Variants in SLC25A12 observed in about 807,000 individuals in gnomAD.
SLC25A12 encodes solute carrier family 25 member 12, also known as electrogenic aspartate/glutamate antiporter SLC25A12, mitochondrial.
SLC25A12 carries 32 observed loss-of-function variants against 83.3 expected under a neutral mutation model. The ratio of observed to expected loss-of-function variants is 0.38; its 90% CI spans 0.29 to 0.52. The LOEUF (loss-of-function observed/expected upper bound fraction) is 0.52. Ranked by LOEUF, SLC25A12 falls within the 20% of genes least tolerant of loss-of-function variation. The probability of loss-of-function intolerance (pLI) is 0.84; values close to 1 mark genes in which losing one functional copy is unlikely to be tolerated. For synonymous variants in SLC25A12, 267 were observed against 291.1 expected (o/e 0.92, Z 0.84); for missense variants, 611 against 835.6 (o/e 0.73, Z 3.31).
At chr2:171,841,338 C>T (rs956507183) in intron 5 of SLC25A12, among the ~76,000 whole-genome samples, 1 of 151,948 alleles carries the variant, frequency 6.6e-6, no homozygotes, top group Non-Finnish European at 1.5e-5. Flanking sequence ...CCTTGGCCCC[C>T]CAAAGTGCTG....
chr2:171,835,891 T>C (rs542585608), intron 6 of SLC25A12, among the ~76,000 whole-genome samples: 1 of 152,080 alleles, frequency 6.6e-6, no homozygotes, highest in East Asian at 1.9e-4. Context: ...CAAATTTTCA[T>C]ATACTCCTCT....
At chr2:171,881,429 G>A (rs1160258500) in intron 2 of SLC25A12, among the ~76,000 whole-genome samples, 1 of 152,128 alleles carries the variant, frequency 6.6e-6, no homozygotes, top group Non-Finnish European at 1.5e-5. Context: ...TAGGATTACA[G>A]GCCATCGCGC....
At chr2:171,826,521 A>G (rs1239361086) in intron 9 of SLC25A12, among the ~76,000 whole-genome samples, 1 of 152,122 alleles carries the variant, frequency 6.6e-6, no homozygotes, top group Non-Finnish European at 1.5e-5. Flanking sequence ...AGGCAGGAGA[A>G]TCTCTTGAAC....
chr2:171,864,035 C>A (rs1685227657), intron 3 of SLC25A12, among the ~76,000 whole-genome samples: 2 of 152,202 alleles, frequency 1.3e-5, no homozygotes, highest in South Asian at 2.1e-4. Flanking sequence ...AGTACTAATC[C>A]TGGACTCAAA....
At chr2:171,893,093 T>A in intron 2 of SLC25A12, 112 bp downstream of exon 2, 1 of 844,492 alleles carries the variant, frequency 1.2e-6, no homozygotes. Context: ...CGGTCATGTT[T>A]GAAAGAATAC....
chr2:171,878,397 AC>A (rs1558942677), intron 2 of SLC25A12, among the ~76,000 whole-genome samples: 1 of 152,046 alleles, frequency 6.6e-6, no homozygotes, highest in African/African-American at 2.4e-5. Context: ...TGAAATAGTT[AC>A]TGTAAAATGC....
intron 2 of SLC25A12, among the ~76,000 whole-genome samples, chr2:171,876,543 TGG>T (rs773967179): frequency 3.4e-4 from 10 of 29,526 alleles, no homozygotes; most frequent in South Asian, 1.4e-3. Context: ...TTTTTTTTTT[TGG>T]GGGGGGGGGG....
chr2:171,854,138 G>A (rs996095314), intron 4 of SLC25A12, among the ~76,000 whole-genome samples: 1 of 152,242 alleles, frequency 6.6e-6, no homozygotes, highest in Non-Finnish European at 1.5e-5. Context: ...TGCTGAATGA[G>A]ATGATGGAGG....
chr2:171,848,403 A>T (rs910647693), intron 4 of SLC25A12: 4 of 391,120 alleles, frequency 1.0e-5, no homozygotes, highest in African/African-American at 8.4e-5. Context: ...GAGACCAAAC[A>T]TTCTTATTGT....
intron 2 of SLC25A12, 59 bp downstream of exon 2, chr2:171,893,146 T>C: frequency 7.3e-7 from 1 of 1,363,472 alleles, no homozygotes; most frequent in African/African-American, 1.4e-5. Context: ...TGAATAGGAC[T>C]AAGGACATGT....
chr2:171,829,024 G>A (rs973758279), intron 8 of SLC25A12, among the ~76,000 whole-genome samples: 4 of 152,216 alleles, frequency 2.6e-5, no homozygotes, highest in African/African-American at 9.6e-5. Flanking sequence ...CACCAAATAA[G>A]CTAGGTTCTC....
At position 171,837,872 on chromosome 2, in the gene SLC25A12, GCTATCA is replaced by G. The variant is rs1684590281; in HGVS notation, c.466-611_466-606del. On this transcript the variant is annotated intron_variant, in intron 5 of 17. Coordinates refer to ENST00000422440, the MANE Select transcript of SLC25A12 (RefSeq NM_003705.5). ...TAACAAACTGCAAAAGTAGTGTTCA[GCTATCA>G]CTGGCTCTGGGCACCGTTACTCATA... Among the ~76,000 whole-genome samples, 3 of 152,316 alleles carry G rather than the reference GCTATCA, an allele frequency of 2.0e-5. No individual in the cohort carries two copies. The South Asian group carries it at 6.2e-4, about 32-fold the overall frequency.
Position 171,785,402 on chromosome 2 carries a change from C to T in SLC25A12, c.1909G>A (p.Gly637Ser), listed in dbSNP as rs772668725. The change falls in exon 18 of 18, where the codon GGT becomes AGT. Residue 637 changes from glycine (G) to serine (S), a missense_variant. By Grantham distance (56) the Gly-to-Ser change is moderately conservative. Around this residue, in one of 3 missense-constraint regions of SLC25A12, gnomAD observed 540 missense variants for 777.5 expected, o/e 0.69. Transcript: ENST00000422440. Reference protein sequence around the residue: ...DLPPANPDHIGGYRLATATFA... With the variant: ...DLPPANPDHISGYRLATATFA... Reference sequence around the variant, plus strand: ...GTGGCTGTGGCGAGTCTGTATCCACCGATGTGATCAGGGTTGGCAGGAGGA... The same window carrying T: ...GTGGCTGTGGCGAGTCTGTATCCACTGATGTGATCAGGGTTGGCAGGAGGA... The T allele has an allele frequency of 1.9e-5, 31 of 1,614,020 alleles. No homozygotes were observed. The highest frequency in any genetic ancestry group is 2.6e-5 in the Non-Finnish European group (31 of 1,180,018).
intron 2 of SLC25A12, among the ~76,000 whole-genome samples, chr2:171,881,240 T>C (rs1685688224): frequency 6.6e-6 from 1 of 152,000 alleles, no homozygotes; most frequent in Admixed American, 6.6e-5. Flanking sequence ...GCAACCACCA[T>C]CTCCCAGGTT....
intron 13 of SLC25A12, among the ~76,000 whole-genome samples, chr2:171,801,006 T>C (rs1368420181): frequency 1.3e-5 from 2 of 152,172 alleles, no homozygotes; most frequent in African/African-American, 4.8e-5. Flanking sequence ...TTCATTATCT[T>C]AGGTGGTGAT....
At chr2:171,853,441 C>A (rs1031500086) in intron 4 of SLC25A12, among the ~76,000 whole-genome samples, 1 of 77,718 alleles carries the variant, frequency 1.3e-5, no homozygotes, top group African/African-American at 3.9e-5. Flanking sequence ...TTTGGGAGGC[C>A]GAGGTGGGCA....
intron 4 of SLC25A12, among the ~76,000 whole-genome samples, chr2:171,851,135 T>A (rs1041156945): frequency 6.6e-6 from 1 of 152,132 alleles, no homozygotes; most frequent in Non-Finnish European, 1.5e-5. Context: ...TCAGAACATA[T>A]AACATGTTTC....
At chr2:171,786,831 C>T (rs1181982034) in intron 17 of SLC25A12, among the ~76,000 whole-genome samples, 2 of 152,202 alleles carry the variant, frequency 1.3e-5, no homozygotes, top group Non-Finnish European at 2.9e-5. Flanking sequence ...TCAAGAACAT[C>T]TGCACCTAAC....
intron 8 of SLC25A12, among the ~76,000 whole-genome samples, chr2:171,832,808 A>C (rs916121213): frequency 1.3e-5 from 2 of 152,216 alleles, no homozygotes; most frequent in African/African-American, 4.8e-5. Flanking sequence ...ACTGTACAAA[A>C]TAGAAGGAGA....
Sources: allele counts gnomAD v4.1 joint callset (sites outside exome capture counted in the v4.1 genomes callset), GRCh38; gene constraint gnomAD v4.1.1; regional missense constraint gnomAD v4.1.1; transcripts MANE v1.5; gene names NCBI Gene and HGNC (gene_info 2026-07-23, HGNC 2026-07-21).